ZNF451: variants seen among roughly 807,000 people sequenced by gnomAD.
ZNF451 encodes zinc finger protein 451.
Under a neutral mutation model 107.1 loss-of-function variants are expected in ZNF451, and 80 were observed. The observed-to-expected ratio is 0.75, with a 90% CI of 0.62 to 0.90. The LOEUF (loss-of-function observed/expected upper bound fraction) is 0.90, where lower values mean the gene tolerates loss of function less well. Ranked by LOEUF, ZNF451 falls within the 40% of genes least tolerant of loss-of-function variation. The pLI, the probability that ZNF451 is intolerant of heterozygous loss-of-function variation, is 0.00. For missense variants in ZNF451, 1,107 were observed against 1,236.2 expected (o/e 0.90, Z 1.57); for synonymous variants, 362 against 406.5 (o/e 0.89, Z 1.32).
intron 13 of ZNF451, 66 bp downstream of exon 13, chr6:57,154,113 A>G: frequency 6.6e-7 from 1 of 1,510,324 alleles, no homozygotes; most frequent in Middle Eastern, 1.7e-4. Flanking sequence ...AGAGAAACCA[A>G]TAAACTGCTG....
At chr6:57,166,359 A>G (rs902728657) in intron 14 of ZNF451, among the ~76,000 whole-genome samples, 3 of 152,142 alleles carry the variant, frequency 2.0e-5, no homozygotes, top group Non-Finnish European at 4.4e-5. Flanking sequence ...TTTTTTCTTC[A>G]GTAATCAGTT....
At chr6:57,146,656 T>C (rs1832078780) in intron 9 of ZNF451, among the ~76,000 whole-genome samples, 2 of 152,204 alleles carry the variant, frequency 1.3e-5, no homozygotes, top group Non-Finnish European at 2.9e-5. Flanking sequence ...CATGTTGTTT[T>C]GGTTACCATA....
intron 14 of ZNF451, among the ~76,000 whole-genome samples, chr6:57,167,539 G>C (rs1168212010): frequency 6.6e-6 from 1 of 152,094 alleles, no homozygotes; most frequent in African/African-American, 2.4e-5. Context: ...CACAGTTCAT[G>C]CTAGTTTATT....
At position 57,152,271 on chromosome 6, in the gene ZNF451, C is replaced by G; in HGVS notation, c.2803C>G (p.Leu935Val). The G allele has an allele frequency of 6.2e-7, 1 of 1,613,824 alleles. No individual in the cohort carries two copies. The highest frequency in any genetic ancestry group is 8.5e-7 in the Non-Finnish European group (1 of 1,179,872). Residue 935 changes from leucine to valine, a missense_variant, in exon 12 of 15, where the codon CTG becomes GTG. Physicochemically the swap from Leu to Val is conservative, Grantham distance 32. Around this residue, in one of 5 missense-constraint regions of ZNF451, gnomAD observed 151 missense variants for 173.3 expected, o/e 0.87. Transcript: ENST00000370706. Reference sequence around the variant, plus strand: ...GCTCAACTGTAAGATTTATAACTACCTGAACAGGATTGGATGCTTCTTCCT... The same window carrying G: ...GCTCAACTGTAAGATTTATAACTACGTGAACAGGATTGGATGCTTCTTCCT... ...PPLNCKIYNY[L>V]NRIGCFFLHP...
intron 3 of ZNF451, among the ~76,000 whole-genome samples, chr6:57,112,069 A>C (rs1164954973): frequency 6.6e-6 from 1 of 152,198 alleles, no homozygotes; most frequent in African/African-American, 2.4e-5. Flanking sequence ...TGCTGCGTTT[A>C]TCTCTTCTGC....
rs749589304 is a variant in ZNF451 at position 57,096,176 on chromosome 6, G to GTTTTTTTTTTTTTTT, written c.106-2874_106-2860dup. Among the ~76,000 whole-genome samples the GTTTTTTTTTTTTTTT allele has an allele frequency of 3.4e-5, 2 of 58,462 alleles. 1 individual carries two copies. Among genetic ancestry groups the GTTTTTTTTTTTTTTT allele is most frequent in the African/African-American group, 1.4e-4 (2 of 14,002 alleles). The allele number at this position is 58,462 out of a possible 152,430, so 38.4% of individuals were successfully genotyped here. The stretch of plus-strand genomic sequence containing the variant: ...TTTCTTTCTTCCTTTCTTTCTTTCT[G>GTTTTTTTTTTTTTTT]TTTTTTTTTTTTTTTTTTTTTTTTT... On this transcript the variant is annotated intron_variant, in intron 2 of 14. Coordinates refer to ENST00000370706, the MANE Select transcript of ZNF451 (RefSeq NM_001031623.3).
chr6:57,092,881 A>AG (rs1299005725), intron 2 of ZNF451: 1 of 152,144 alleles, frequency 6.6e-6, no homozygotes, highest in African/African-American at 2.4e-5. Flanking sequence ...ATAGATATGG[A>AG]GGGGGGTGCA....
At chr6:57,153,461 T>C (rs1372901290) in intron 12 of ZNF451, among the ~76,000 whole-genome samples, 1 of 150,984 alleles carries the variant, frequency 6.6e-6, no homozygotes, top group African/African-American at 2.4e-5. Flanking sequence ...CAGGCTGGAG[T>C]GCAGTGGCGC....
Position 57,099,213 on chromosome 6 carries a change from C to T in ZNF451, c.186+72C>T, listed in dbSNP as rs113084512. Reference sequence around the variant, plus strand: ...AGAGGTATTCTCTAAAGAGAGTTACCAAATCAGGGAAGGCTGTGTTTAGAA... The same window carrying T: ...AGAGGTATTCTCTAAAGAGAGTTACTAAATCAGGGAAGGCTGTGTTTAGAA... On this transcript the variant is annotated intron_variant, in intron 3 of 14. Coordinates refer to ENST00000370706, the MANE Select transcript of ZNF451 (RefSeq NM_001031623.3). 44 of 1,204,916 alleles carry T rather than the reference C, an allele frequency of 3.7e-5. 1 individual carries two copies. The African/African-American group carries it at 4.0e-4, about 11-fold the overall frequency. 74.6% of individuals were successfully genotyped at this position (1,204,916 alleles called of 1,614,324 possible). A position where few individuals can be genotyped will look rare whatever the true frequency, so the allele number is the denominator to read the frequency against.
chr6:57,098,440 A>G (rs745584552), intron 2 of ZNF451, among the ~76,000 whole-genome samples: 15 of 152,040 alleles, frequency 9.9e-5, no homozygotes, highest in Non-Finnish European at 1.8e-4. Flanking sequence ...TCATGTGCCT[A>G]TACTGATTAT....
At chr6:57,165,204 G>A (rs530707290) in intron 14 of ZNF451, 3 of 152,200 alleles carry the variant, frequency 2.0e-5, no homozygotes, top group East Asian at 1.9e-4. Context: ...ACTATAACAC[G>A]TCTCAGTGTG....
intron 13 of ZNF451, chr6:57,159,481 G>A: frequency 1.8e-6 from 1 of 570,824 alleles, no homozygotes; most frequent in Non-Finnish European, 2.2e-6. Context: ...AGCTTTGAAT[G>A]TAGCCCAACA....
At chr6:57,128,521 G>T (rs1436501631) in intron 4 of ZNF451, among the ~76,000 whole-genome samples, 1 of 152,128 alleles carries the variant, frequency 6.6e-6, no homozygotes, top group Non-Finnish European at 1.5e-5. Flanking sequence ...AGGGGTGTAG[G>T]TTGTAGTAAA....
rs564677371 is a variant in ZNF451 at position 57,155,489 on chromosome 6, A to G, written c.3070+1442A>G. Among the ~76,000 whole-genome samples the G allele has an allele frequency of 7.9e-5, 12 of 152,356 alleles. No individual in the cohort carries two copies. The East Asian group carries it at 2.3e-3, about 29-fold the overall frequency. ...CAATAAGACCAAAAACTTCGTCTCA[A>G]ACAAAAAGCAAAACACCTCTTCTAC... is the stretch of plus-strand genomic sequence containing the variant. On this transcript the variant is annotated intron_variant, in intron 13 of 14. Coordinates refer to ENST00000370706, the MANE Select transcript of ZNF451 (RefSeq NM_001031623.3).
intron 3 of ZNF451, among the ~76,000 whole-genome samples, chr6:57,122,122 T>G (rs963845418): frequency 6.6e-6 from 1 of 151,714 alleles, no homozygotes; most frequent in Non-Finnish European, 1.5e-5. Flanking sequence ...TCGACAAAAA[T>G]AAACAATCGA....
chr6:57,162,377 T>G (rs1763707026), intron 14 of ZNF451, among the ~76,000 whole-genome samples: 1 of 152,212 alleles, frequency 6.6e-6, no homozygotes, highest in African/African-American at 2.4e-5. Context: ...TGGAATCGAT[T>G]CATCCATTAG....
chr6:57,115,883 A>G (rs1003964319), intron 3 of ZNF451, among the ~76,000 whole-genome samples: 2 of 152,178 alleles, frequency 1.3e-5, no homozygotes, highest in Non-Finnish European at 2.9e-5. Flanking sequence ...GTCCAGGGTG[A>G]CCATAGGAAA....
At chr6:57,097,106 T>C (rs981892145) in intron 2 of ZNF451, among the ~76,000 whole-genome samples, 1 of 152,192 alleles carries the variant, frequency 6.6e-6, no homozygotes, top group Non-Finnish European at 1.5e-5. Flanking sequence ...TTAAAGTAGG[T>C]GATTCAGCTC....
chr6:57,104,232 CA>C, intron 3 of ZNF451: 1 of 985,332 alleles, frequency 1.0e-6, no homozygotes, highest in African/African-American at 1.7e-5. Context: ...AGAAATCATA[CA>C]TTTTTGTAGC....
Sources: gnomAD v4.1 joint callset for allele counts (sites outside exome capture counted in the v4.1 genomes callset) on GRCh38, gnomAD v4.1.1 for gene constraint, gnomAD v4.1.1 regional missense constraint, MANE v1.5 for transcripts, NCBI Gene and HGNC (gene_info 2026-07-23, HGNC 2026-07-21) for gene names.